ADCY1: variants seen among roughly 807,000 people sequenced by gnomAD.
The protein encoded by ADCY1 is adenylate cyclase 1.
Under a neutral mutation model 105.4 loss-of-function variants are expected in ADCY1, and 28 were observed. The observed-to-expected ratio is 0.27, with a 90% CI of 0.20 to 0.36. The LOEUF (loss-of-function observed/expected upper bound fraction) is 0.36. Among genes scored for constraint, ADCY1 ranks in the 10% least tolerant of loss-of-function variants. ADCY1 has a pLI of 1.00. For synonymous variants in ADCY1, 655 were observed against 623.8 expected (o/e 1.05, Z -0.75); for missense variants, 977 against 1,434.2 (o/e 0.68, Z 5.15).
At chr7:45,633,588 G>A (rs1392544034) in intron 4 of ADCY1, among the ~76,000 whole-genome samples, 1 of 152,104 alleles carries the variant, frequency 6.6e-6, no homozygotes, top group Non-Finnish European at 1.5e-5. Flanking sequence ...CGGATCACGA[G>A]ATCAAGAGAT....
At chr7:45,595,543 T>C (rs1009914424) in intron 2 of ADCY1, among the ~76,000 whole-genome samples, 4 of 152,204 alleles carry the variant, frequency 2.6e-5, no homozygotes, top group Non-Finnish European at 5.9e-5. Flanking sequence ...ATTAGTACGC[T>C]TCAACCCTCC....
At chr7:45,613,472 A>G (rs891231192) in intron 3 of ADCY1, among the ~76,000 whole-genome samples, 1 of 152,206 alleles carries the variant, frequency 6.6e-6, no homozygotes, top group African/African-American at 2.4e-5. Flanking sequence ...GTGGACCAAT[A>G]TACACCTTAT....
At position 45,592,809 on chromosome 7, in the gene ADCY1, T is replaced by C; in HGVS notation, c.690T>C (p.Phe230=). The C allele has an allele frequency of 6.2e-7, 1 of 1,614,192 alleles. No homozygotes were observed. Among genetic ancestry groups the C allele is most frequent in the South Asian group, 1.1e-5 (1 of 91,078 alleles). The change falls in exon 2 of 20, where the codon TTT becomes TTC. Residue 230 remains phenylalanine, a synonymous_variant. Coordinates refer to ENST00000297323, the MANE Select transcript of ADCY1 (RefSeq NM_021116.4). The part of the protein sequence containing the change: ...LFVGVNMYGV[F]VRILTERSQR... ...TCGGTGTGAACATGTATGGGGTCTTTGTGCGGATTCTGACTGAGCGTTCAC... is the reference window on the plus strand; with the variant it reads ...TCGGTGTGAACATGTATGGGGTCTTCGTGCGGATTCTGACTGAGCGTTCAC...
intron 1 of ADCY1, among the ~76,000 whole-genome samples, chr7:45,590,502 C>T (rs1335583528): frequency 6.6e-6 from 1 of 152,160 alleles, no homozygotes; most frequent in Non-Finnish European, 1.5e-5. Context: ...CAGCTCCCTG[C>T]TCTGGCCCTG....
intron 6 of ADCY1, 35 bp downstream of exon 6, chr7:45,657,920 T>TG: frequency 4.3e-6 from 2 of 460,314 alleles, no homozygotes; most frequent in Middle Eastern, 5.9e-4. Flanking sequence ...GGGAGGGAGG[T>TG]GGGTGATGGC....
chr7:45,612,265 G>A (rs1793614001), intron 3 of ADCY1, among the ~76,000 whole-genome samples: 1 of 152,324 alleles, frequency 6.6e-6, no homozygotes, highest in African/African-American at 2.4e-5. Context: ...CTCTCTGCTA[G>A]ATACTTGGTT....
chr7:45,576,357 A>G (rs4724419), intron 1 of ADCY1, among the ~76,000 whole-genome samples: 150,479 of 152,198 alleles, frequency 0.99, 74,391 homozygotes, highest in East Asian at 1. Context: ...CAGAGGAGCC[A>G]TGAGATGCTC....
At chr7:45,593,123 T>C (rs1792973988) in intron 2 of ADCY1, among the ~76,000 whole-genome samples, 1 of 152,140 alleles carries the variant, frequency 6.6e-6, no homozygotes, top group South Asian at 2.1e-4. Context: ...GGGATAGTGT[T>C]GGGATGGGGC....
chr7:45,692,731 T>C (rs2116228496), intron 14 of ADCY1, among the ~76,000 whole-genome samples: 1 of 152,368 alleles, frequency 6.6e-6, no homozygotes, highest in African/African-American at 2.4e-5. Context: ...CAGATGGTGA[T>C]AGATTTGTTA....
At chr7:45,582,337 G>T (rs1792576297) in intron 1 of ADCY1, among the ~76,000 whole-genome samples, 1 of 152,156 alleles carries the variant, frequency 6.6e-6, no homozygotes, top group Non-Finnish European at 1.5e-5. Flanking sequence ...CCAGCTCCGT[G>T]ACCTTGGCAA....
intron 4 of ADCY1, among the ~76,000 whole-genome samples, chr7:45,629,514 T>TG (rs1489121731): frequency 2.1e-4 from 31 of 150,932 alleles, no homozygotes; most frequent in African/African-American, 7.3e-4. Context: ...CTTAACTTTT[T>TG]TTTTTTTTTT....
intron 1 of ADCY1, among the ~76,000 whole-genome samples, chr7:45,583,022 G>A (rs181273990): frequency 1.1e-4 from 16 of 152,360 alleles, no homozygotes; most frequent in Admixed American, 9.1e-4. Context: ...TGGGAAGAAA[G>A]CCTGGAGCTG....
chr7:45,612,131 AG>A (rs1472457709), intron 3 of ADCY1, among the ~76,000 whole-genome samples: 3 of 152,188 alleles, frequency 2.0e-5, no homozygotes, highest in African/African-American at 7.2e-5. Flanking sequence ...AGTAAGGACC[AG>A]TGTTGTCCTC....
chr7:45,584,136 A>G (rs1792649586), intron 1 of ADCY1, among the ~76,000 whole-genome samples: 1 of 151,142 alleles, frequency 6.6e-6, no homozygotes, highest in South Asian at 2.1e-4. Context: ...GTAGAGATGG[A>G]GTGTCAGTAT....
chr7:45,603,013 C>T (rs1294181808), intron 2 of ADCY1, among the ~76,000 whole-genome samples: 1 of 152,190 alleles, frequency 6.6e-6, no homozygotes, highest in Non-Finnish European at 1.5e-5. Flanking sequence ...CTTTCTGTCT[C>T]CATAGATTTA....
chr7:45,704,418 A>T (rs1484270476), intron 16 of ADCY1, 100 bp from the exon 17 acceptor site: 1 of 942,106 alleles, frequency 1.1e-6, no homozygotes, highest in Non-Finnish European at 1.7e-6. Context: ...GCTTTCCTGA[A>T]TGTGTCCATC....
In ADCY1 at chr7:45,609,669, G is replaced by A. The variant is rs74836756; in HGVS notation, c.790-710G>A. Reference sequence around the variant, plus strand: ...GGAACATGGTCTCTCAGACGTAGGGGTGTGCCCAACAGGTCAAGGGCCAGC... The same window carrying A: ...GGAACATGGTCTCTCAGACGTAGGGATGTGCCCAACAGGTCAAGGGCCAGC... On this transcript the variant is annotated intron_variant, in intron 2 of 19. Coordinates refer to ENST00000297323, the MANE Select transcript of ADCY1 (RefSeq NM_021116.4). Among the ~76,000 whole-genome samples the A allele has an allele frequency of 8.0e-3, 1,216 of 152,274 alleles. 70 individuals are homozygous for A. In the East Asian group the frequency reaches 0.13, roughly 16 times the overall value.
At position 45,708,835 on chromosome 7, in the gene ADCY1, G is replaced by T. The variant is rs1220604561; in HGVS notation, c.2932+371G>T. On this transcript the variant is annotated intron_variant, in intron 18 of 19. Coordinates refer to ENST00000297323, the MANE Select transcript of ADCY1 (RefSeq NM_021116.4). The surrounding 1 kb of genome is among the most constrained non-coding windows in gnomAD (Gnocchi z 4.7). ...CATGGGCTGTCCAGAAGGAGGCCTT[G>T]ACGGGAGCCCCACTGTGCGGACTCC... 1.3e-5 allele frequency among the ~76,000 whole-genome samples: 2 copies of T among 152,230 alleles called. No homozygotes were observed. The highest frequency in any genetic ancestry group is 1.3e-4 in the Admixed American group (2 of 15,294).
chr7:45,574,708 G>A lies in ADCY1; in HGVS notation c.165G>A (p.Arg55=), dbSNP rs753933695. The change falls in exon 1 of 20, where the codon CGG becomes CGA. Residue 55 remains arginine, a synonymous_variant. Transcript: ENST00000297323. This position sits in a 1 kb window ranked among gnomAD's most constrained non-coding sequence, Gnocchi z 7.0. ...LEALFRGYTL[R]LEQAATLKAL... The stretch of plus-strand genomic sequence containing the variant: ...CGCTGTTCCGCGGCTACACGCTGCG[G>A]CTGGAGCAGGCGGCCACGCTGAAGG... The A allele has an allele frequency of 5.0e-6, 7 of 1,406,504 alleles. No individual in the cohort carries two copies. The highest frequency in any genetic ancestry group is 1.5e-5 in the South Asian group (1 of 65,086). The allele number at this position is 1,406,504 out of a possible 1,614,324, so 87.1% of individuals were successfully genotyped here.
Sources: gnomAD v4.1 joint callset for allele counts (sites outside exome capture counted in the v4.1 genomes callset) on GRCh38, gnomAD v4.1.1 for gene constraint, Gnocchi (gnomAD v3.1) non-coding constraint, MANE v1.5 for transcripts, NCBI Gene and HGNC (gene_info 2026-07-23, HGNC 2026-07-21) for gene names.